The following RELN variants were observed in gnomAD, a reference collection of about 807,000 sequenced individuals.
RELN encodes the protein reelin.
A neutral mutation model predicts 427.6 loss-of-function variants in RELN; 108 were observed. The observed-to-expected ratio is 0.25, with a 90% CI of 0.22 to 0.30. The LOEUF is 0.30. Among genes scored for constraint, RELN ranks in the 10% least tolerant of loss-of-function variants. The pLI, the probability that RELN is intolerant of heterozygous loss-of-function variation, is 1.00. For synonymous variants in RELN, 1,524 were observed against 1,513.4 expected (o/e 1.01, Z -0.16); for missense variants, 3,715 against 4,302.8 (o/e 0.86, Z 3.82).
chr7:103,829,732 A>G lies in RELN; in HGVS notation c.473+3805T>C, dbSNP rs185661219. Among the ~76,000 whole-genome samples the G allele has an allele frequency of 4.5e-4, 69 of 152,144 alleles. 3 individuals carry two copies. The highest frequency in any genetic ancestry group is 1.6e-3 in the African/African-American group (65 of 41,564). On this transcript the variant is annotated intron_variant, in intron 3 of 64. Coordinates refer to ENST00000428762, the MANE Select transcript of RELN (RefSeq NM_005045.4). ...CTATGTGGCTAAGTGGTTTACCAAT[A>G]AAACACAGTTTATTCAGACAACATG... is the stretch of plus-strand genomic sequence containing the variant.
rs146294622 is a variant in RELN at position 103,497,824 on chromosome 7, A to G, written c.8946T>C (p.Asp2982=). 5.3e-5 allele frequency: 85 copies of G among 1,614,010 alleles called. No individual in the cohort carries two copies. The African/African-American group carries it at 1.1e-3, about 20-fold the overall frequency. ...KEGVLLDYST[D]GGITWTLLHE... ...GTTTTCACCCCTGACACATGCCTCC[A>G]TCGGTAGAGTAGTCCAACAGCACGC... Residue 2982 remains aspartate (D), a synonymous_variant, in exon 55 of 65, where the codon GAT becomes GAC. Transcript: ENST00000428762.
chr7:103,867,680 G>A (rs993190314), intron 2 of RELN, among the ~76,000 whole-genome samples: 37 of 152,086 alleles, frequency 2.4e-4, no homozygotes, highest in African/African-American at 8.4e-4. Context: ...TCTTGGTGTT[G>A]TTCCTGATTT....
chr7:103,489,619 C>G (rs1828579738), intron 60 of RELN, 123 bp downstream of exon 60: 1 of 1,125,922 alleles, frequency 8.9e-7, no homozygotes, highest in South Asian at 1.3e-5. Context: ...AGGAGTGTGT[C>G]ATGAATCTCA....
intron 1 of RELN, among the ~76,000 whole-genome samples, chr7:103,946,643 C>T (rs1211650610): frequency 6.6e-6 from 1 of 152,142 alleles, no homozygotes; most frequent in Non-Finnish European, 1.5e-5. Flanking sequence ...GGAATTATTA[C>T]ACTTTACTAT....
chr7:103,646,492 T>C (rs1832799841), intron 16 of RELN, among the ~76,000 whole-genome samples: 3 of 151,908 alleles, frequency 2.0e-5, no homozygotes, highest in South Asian at 4.1e-4. Context: ...ACTGTAAACA[T>C]CTTTATGTGC....
intron 8 of RELN, among the ~76,000 whole-genome samples, chr7:103,720,091 T>C (rs1790038618): frequency 6.6e-6 from 1 of 151,684 alleles, no homozygotes; most frequent in African/African-American, 2.4e-5. Context: ...ACATGTATAA[T>C]ATATATAATT....
At chr7:103,911,949 A>G (rs1412851590) in intron 2 of RELN, among the ~76,000 whole-genome samples, 1 of 151,036 alleles carries the variant, frequency 6.6e-6, no homozygotes, top group East Asian at 2.0e-4. Flanking sequence ...GCACATGTAT[A>G]CATATGTAAC....
At chr7:103,845,219 G>C (rs758363131) in intron 2 of RELN, among the ~76,000 whole-genome samples, 8 of 150,786 alleles carry the variant, frequency 5.3e-5, no homozygotes, top group Non-Finnish European at 8.8e-5. Flanking sequence ...TGTTGTTGTT[G>C]AGATTGAGTC....
At chr7:103,517,193 A>G (rs1339349971) in intron 49 of RELN, among the ~76,000 whole-genome samples, 3 of 144,516 alleles carry the variant, frequency 2.1e-5, no homozygotes, top group Non-Finnish European at 4.5e-5. Context: ...TTTTTTTGGT[A>G]TGCTTATCTT....
chr7:103,975,515 G>GTTTTTATTTATTTATTTATT lies in RELN; in HGVS notation c.226+13615_226+13616insAATAAATAAATAAATAAAAA, dbSNP rs35356053. ...TATGGGTCCTGGGAAGAATGGAGCA[G>GTTTTTATTTATTTATTTATT]TATTTATTTATTTATTTATTTATTT... is the stretch of plus-strand genomic sequence containing the variant. On this transcript the variant is annotated intron_variant, in intron 1 of 64. Coordinates refer to ENST00000428762, the MANE Select transcript of RELN (RefSeq NM_005045.4). 3.2e-4 allele frequency among the ~76,000 whole-genome samples: 45 copies of GTTTTTATTTATTTATTTATT among 141,878 alleles called. 1 individual carries two copies. Among genetic ancestry groups the GTTTTTATTTATTTATTTATT allele is most frequent in the South Asian group, 7.0e-4 (3 of 4,262 alleles). The allele number at this position is 141,878 out of a possible 152,430, so 93.1% of individuals were successfully genotyped here. A position where few individuals can be genotyped will look rare whatever the true frequency, so the allele number is the denominator to read the frequency against.
At chr7:103,738,434 C>G (rs925321321) in intron 6 of RELN, among the ~76,000 whole-genome samples, 2 of 151,892 alleles carry the variant, frequency 1.3e-5, no homozygotes, top group African/African-American at 4.8e-5. Context: ...GGGAAATTTA[C>G]ACACAATGAG....
intron 9 of RELN, among the ~76,000 whole-genome samples, chr7:103,700,610 G>T (rs1834069179): frequency 6.6e-6 from 1 of 152,046 alleles, no homozygotes; most frequent in Non-Finnish European, 1.5e-5. Flanking sequence ...GCAATGGGTG[G>T]TGATATTATT....
intron 4 of RELN, among the ~76,000 whole-genome samples, chr7:103,771,690 A>C (rs1173566136): frequency 6.6e-6 from 1 of 152,144 alleles, no homozygotes; most frequent in Non-Finnish European, 1.5e-5. Flanking sequence ...GAGTAGCCCC[A>C]GATTTCCTCC....
intron 20 of RELN, among the ~76,000 whole-genome samples, chr7:103,617,967 C>T (rs1022883121): frequency 6.6e-6 from 1 of 152,172 alleles, no homozygotes; most frequent in Non-Finnish European, 1.5e-5. Flanking sequence ...ACTGGCTCCC[C>T]TTCTCCTTCT....
At chr7:103,581,720 T>TG (rs11414016) in intron 28 of RELN, among the ~76,000 whole-genome samples, 2,209 of 152,258 alleles carry the variant, frequency 0.015, 26 homozygotes, top group South Asian at 0.041. Flanking sequence ...CTTTGTGACT[T>TG]GCTTTGACCA....
chr7:103,738,886 T>C (rs1277949152), intron 6 of RELN, among the ~76,000 whole-genome samples: 5 of 152,058 alleles, frequency 3.3e-5, no homozygotes, highest in Admixed American at 6.6e-5. Flanking sequence ...TTTCACCACG[T>C]TGGCCAGGAT....
chr7:103,569,256 T>G lies in RELN; in HGVS notation c.4589-2497A>C, dbSNP rs1830828134. ...CAACAGCAGAGAAGAACTAAAGGCT[T>G]TTGCCAACAGCCATGTAAGTAAGCC... On this transcript the variant is annotated intron_variant, in intron 31 of 64. Coordinates refer to ENST00000428762, the MANE Select transcript of RELN (RefSeq NM_005045.4). This position sits in a 1 kb window ranked among gnomAD's most constrained non-coding sequence, Gnocchi z 4.0. Among the ~76,000 whole-genome samples, 1 of 152,142 alleles carries G rather than the reference T, an allele frequency of 6.6e-6. No individual in the cohort carries two copies. The highest frequency in any genetic ancestry group is 1.5e-5 in the Non-Finnish European group (1 of 68,032).
chr7:103,762,608 T>C (rs115336765), intron 4 of RELN, among the ~76,000 whole-genome samples: 2,454 of 152,292 alleles, frequency 0.016, 76 homozygotes, highest in African/African-American at 0.055. Context: ...GTCTCACACA[T>C]GGCAGTTCCA....
At chr7:103,582,594 C>T (rs1301761112) in intron 28 of RELN, among the ~76,000 whole-genome samples, 1 of 152,098 alleles carries the variant, frequency 6.6e-6, no homozygotes, top group African/African-American at 2.4e-5. Context: ...AAAGAAATTC[C>T]TTCCCTATCC....
Sources: gnomAD v4.1 joint callset for allele counts (sites outside exome capture counted in the v4.1 genomes callset) on GRCh38, gnomAD v4.1.1 for gene constraint, Gnocchi (gnomAD v3.1) non-coding constraint, MANE v1.5 for transcripts, NCBI Gene and HGNC (gene_info 2026-07-23, HGNC 2026-07-21) for gene names.